Variants in IL2RB observed in about 807,000 individuals in gnomAD.
The protein encoded by IL2RB is interleukin-2 receptor subunit beta.
Under a neutral mutation model 44.2 loss-of-function variants are expected in IL2RB, and 17 were observed. That is an observed-to-expected ratio of 0.38 (90% CI 0.26 to 0.58). The LOEUF (loss-of-function observed/expected upper bound fraction) is 0.58. Ranked by LOEUF, IL2RB falls within the 20% of genes least tolerant of loss-of-function variation. The probability of loss-of-function intolerance (pLI) is 0.63; values close to 1 mark genes in which losing one functional copy is unlikely to be tolerated. For missense variants in IL2RB, 624 were observed against 685.5 expected (o/e 0.91, Z 1.00); for synonymous variants, 286 against 297.9 (o/e 0.96, Z 0.41).
In IL2RB at chr22:37,128,395, C is replaced by A; in HGVS notation, c.1357G>T (p.Glu453Ter). ...TAPGGSGAGEERMPPSLQERV... is the reference protein window; with the variant it reads ...TAPGGSGAGE The stretch of plus-strand genomic sequence containing the variant: ...TCTTGCAAAGAAGGGGGCATCCTCT[C>A]TTCACCGGCCCCACTGCCCCCAGGG... Residue 453 changes from glutamate to a stop codon, truncating the protein, a stop_gained, in exon 10 of 10, where the codon GAG becomes TAG. Transcript: ENST00000216223. LOFTEE classifies it low-confidence loss of function (END_TRUNC). The surrounding 1 kb of genome is among the most constrained non-coding windows in gnomAD (Gnocchi z 4.5). 1 of 1,512,312 alleles carries A rather than the reference C, an allele frequency of 6.6e-7. No individual in the cohort carries two copies. The highest frequency in any genetic ancestry group is 1.3e-5 in the South Asian group (1 of 74,498). The allele number at this position is 1,512,312 out of a possible 1,614,324, so 93.7% of individuals were successfully genotyped here. A position where few individuals can be genotyped will look rare whatever the true frequency, so the allele number is the denominator to read the frequency against.
chr22:37,141,761 G>A lies in IL2RB; in HGVS notation c.282+673C>T, dbSNP rs964126059. Among the ~76,000 whole-genome samples the A allele has an allele frequency of 1.3e-5, 2 of 152,190 alleles. No individual in the cohort carries two copies. The highest frequency in any genetic ancestry group is 4.8e-5 in the African/African-American group (2 of 41,458). ...CCCCCTCTGGACTTTAGGCACCAAT[G>A]AGCACAGGGGGATGGGAAGCCACGG... On this transcript the variant is annotated intron_variant, in intron 4 of 9. Transcript: ENST00000216223. This position sits in a 1 kb window ranked among gnomAD's most constrained non-coding sequence, Gnocchi z 4.4.
chr22:37,129,285 C>G (rs1462307672), intron 9 of IL2RB, among the ~76,000 whole-genome samples: 1 of 152,260 alleles, frequency 6.6e-6, no homozygotes, highest in African/African-American at 2.4e-5. Flanking sequence ...GAGAGTACAG[C>G]CTGTTCACCC....
rs1921088937 is a variant in IL2RB at position 37,125,914 on chromosome 22, CAA to C, written c.*2180_*2181del. On this transcript the variant is annotated 3_prime_UTR_variant, in exon 10 of 10. Transcript: ENST00000216223. Reference sequence around the variant, plus strand: ...ATGGGTTTTTTCATTTACAGAGTAACAAAGATTTTTCTTTAAATAAATGTATT... The same window carrying C: ...ATGGGTTTTTTCATTTACAGAGTAACAGATTTTTCTTTAAATAAATGTATT... 6.6e-6 allele frequency: 1 copy of C among 151,940 alleles called. No homozygotes were observed. The highest frequency in any genetic ancestry group is 2.4e-5 in the African/African-American group (1 of 41,328). The allele number at this position is 151,940 out of a possible 1,614,324, so 9.4% of individuals were successfully genotyped here. A position where few individuals can be genotyped will look rare whatever the true frequency, so the allele number is the denominator to read the frequency against.
chr22:37,143,368 C>T lies in IL2RB; in HGVS notation c.203+153G>A, dbSNP rs567858817. Among the ~76,000 whole-genome samples, 3 of 152,272 alleles carry T rather than the reference C, an allele frequency of 2.0e-5. No homozygotes were observed. In the South Asian group the frequency reaches 6.2e-4, roughly 32 times the overall value. The stretch of plus-strand genomic sequence containing the variant: ...ATTCTCTTAAACGATCCCTTGATTC[C>T]AGGCCTGGGCCCCAACTCCTGTGAT... On this transcript the variant is annotated intron_variant, in intron 3 of 9. Transcript: ENST00000216223.
At chr22:37,164,150 T>C (rs1015205278) in intron 1 of IL2RB, among the ~76,000 whole-genome samples, 1 of 152,168 alleles carries the variant, frequency 6.6e-6, no homozygotes, top group African/African-American at 2.4e-5. Context: ...ATGTAGCCTG[T>C]CAACACAGGG....
chr22:37,155,250 C>T (rs574014360), intron 1 of IL2RB, among the ~76,000 whole-genome samples: 1 of 152,158 alleles, frequency 6.6e-6, no homozygotes, highest in East Asian at 1.9e-4. Flanking sequence ...CTCAGCAGGC[C>T]CATGGTGGCC....
upstream of IL2RB, among the ~76,000 whole-genome samples, chr22:37,151,249 C>T (rs1315508909): frequency 2.6e-5 from 4 of 152,196 alleles, no homozygotes; most frequent in East Asian, 7.7e-4. Context: ...TATTGCCTGC[C>T]TTTTGGATAA....
chr22:37,150,687 A>T (rs1442576824), upstream of IL2RB, among the ~76,000 whole-genome samples: 1 of 152,100 alleles, frequency 6.6e-6, no homozygotes, highest in Non-Finnish European at 1.5e-5. Context: ...CATTCGATCT[A>T]ATTCTGTTTT....
At chr22:37,152,601 G>A (rs1601608066), upstream of IL2RB, among the ~76,000 whole-genome samples, 2 of 152,088 alleles carry the variant, frequency 1.3e-5, no homozygotes, top group African/African-American at 4.8e-5. Flanking sequence ...ACTTCCCAGA[G>A]ATGACTATCA....
chr22:37,131,979 C>T (rs1413696707), intron 9 of IL2RB, among the ~76,000 whole-genome samples: 2 of 152,286 alleles, frequency 1.3e-5, no homozygotes, highest in Middle Eastern at 3.4e-3. Context: ...CGTGATCTAC[C>T]TGCCACAGCC....
chr22:37,137,645 T>C lies in IL2RB; in HGVS notation c.479A>G (p.Tyr160Cys). The C allele has an allele frequency of 6.2e-7, 1 of 1,614,108 alleles. No individual in the cohort carries two copies. The highest frequency in any genetic ancestry group is 8.5e-7 in the Non-Finnish European group (1 of 1,180,000). The part of the protein sequence containing the change: ...ISWEISQASH[Y>C]FERHLEFEAR... ...CTCGAACTCCAGGTGTCTTTCAAAG[T>C]AGTGGGAGGCTTGGGAGATTTCCCA... Residue 160 changes from tyrosine to cysteine, a missense_variant, in exon 6 of 10, where the codon TAC becomes TGC. Physicochemically the swap from Tyr to Cys is radical, Grantham distance 194. Transcript: ENST00000216223.
At chr22:37,147,621 C>T (rs1416630777) in intron 1 of IL2RB, among the ~76,000 whole-genome samples, 12 of 152,238 alleles carry the variant, frequency 7.9e-5, no homozygotes, top group Admixed American at 7.8e-4. Flanking sequence ...GGAGCTAGGG[C>T]TCCAGGCTCA....
At chr22:37,160,334 CAGG>C (rs1009778286) in intron 1 of IL2RB, among the ~76,000 whole-genome samples, 18 of 152,174 alleles carry the variant, frequency 1.2e-4, no homozygotes, top group African/African-American at 4.1e-4. Flanking sequence ...CCAGTGGGTA[CAGG>C]AGAAGGTGGG....
chr22:37,130,894 C>T (rs1390949488), intron 9 of IL2RB, among the ~76,000 whole-genome samples: 6 of 152,218 alleles, frequency 3.9e-5, no homozygotes, highest in East Asian at 1.9e-4. Context: ...TGGCCAGGCA[C>T]GGTGGCGCAC....
upstream of IL2RB, among the ~76,000 whole-genome samples, chr22:37,151,052 C>T (rs1025086782): frequency 4.6e-5 from 7 of 152,198 alleles, no homozygotes; most frequent in African/African-American, 1.7e-4. Context: ...GCAGATGTCT[C>T]TTCCATATAC....
At chr22:37,157,034 C>A (rs1388654427) in intron 1 of IL2RB, among the ~76,000 whole-genome samples, 1 of 149,696 alleles carries the variant, frequency 6.7e-6, no homozygotes, top group Non-Finnish European at 1.5e-5. Context: ...GGTTTTGAGT[C>A]CTGGTCCCTG....
intron 3 of IL2RB, chr22:37,142,832 T>C (rs1477620734): frequency 3.8e-5 from 18 of 472,332 alleles, no homozygotes; most frequent in Middle Eastern, 6.2e-4. Flanking sequence ...AGGATGAAGA[T>C]AGATCCTTAA....
chr22:37,140,015 G>A (rs1011720919), intron 4 of IL2RB, among the ~76,000 whole-genome samples: 1 of 152,208 alleles, frequency 6.6e-6, no homozygotes, highest in Non-Finnish European at 1.5e-5. Flanking sequence ...AAGGCATCCT[G>A]CCACTGTGCA....
chr22:37,131,776 G>C (rs185258314), intron 9 of IL2RB, among the ~76,000 whole-genome samples: 3 of 150,398 alleles, frequency 2.0e-5, no homozygotes, highest in Admixed American at 6.6e-5. Flanking sequence ...TCACTCTGTC[G>C]CCCAGGCTGG....
Sources: allele counts gnomAD v4.1 joint callset (sites outside exome capture counted in the v4.1 genomes callset), GRCh38; gene constraint gnomAD v4.1.1; non-coding constraint Gnocchi (gnomAD v3.1); transcripts MANE v1.5; gene names NCBI Gene and HGNC (gene_info 2026-07-23, HGNC 2026-07-21).